The following ZMYM2 variants were observed in gnomAD, a reference collection of about 807,000 sequenced individuals.
The protein encoded by ZMYM2 is zinc finger MYM-type protein 2.
A neutral mutation model predicts 162.8 loss-of-function variants in ZMYM2; 56 were observed. That is an observed-to-expected ratio of 0.34 (90% CI 0.28 to 0.43). ZMYM2 has a LOEUF of 0.43. Ranked by LOEUF, ZMYM2 falls within the 20% of genes least tolerant of loss-of-function variation. The pLI is 1.00. For missense variants in ZMYM2, 1,275 were observed against 1,621.8 expected (o/e 0.79, Z 3.67); for synonymous variants, 510 against 541.6 (o/e 0.94, Z 0.81).
chr13:19,972,170 C>A (rs1246857837), intron 2 of ZMYM2, among the ~76,000 whole-genome samples: 1 of 152,054 alleles, frequency 6.6e-6, no homozygotes, highest in Non-Finnish European at 1.5e-5. Context: ...TGTCATAACC[C>A]TTGAATGGAT....
the ZMYM2 span, among the ~76,000 whole-genome samples, chr13:19,901,188 A>G: frequency 6.6e-6 from 1 of 152,188 alleles, no homozygotes; most frequent in South Asian, 2.1e-4. Flanking sequence ...ATACCATTAC[A>G]TTGGGGACTA....
intron 19 of ZMYM2, among the ~76,000 whole-genome samples, chr13:20,064,759 A>G (rs1487575955): frequency 6.6e-6 from 1 of 151,478 alleles, no homozygotes; most frequent in Non-Finnish European, 1.5e-5. Context: ...AATAGTAATT[A>G]TTACTATTTC....
rs9508981 is a variant in ZMYM2 at position 19,958,828 on chromosome 13, C to G, written c.-93C>G. 150,404 of 152,844 alleles carry G rather than the reference C, an allele frequency of 0.98. 74,051 individuals are homozygous for G. Among genetic ancestry groups the G allele is most frequent in the Middle Eastern group, 1 (298 of 298 alleles). 9.5% of individuals were successfully genotyped at this position (152,844 alleles called of 1,614,324 possible). ...GAGGGGAGGTTCGTTCCGCGGAGCCCCAGCCAGAACCGGGTGAGGCTTATC... is the reference window on the plus strand; with the variant it reads ...GAGGGGAGGTTCGTTCCGCGGAGCCGCAGCCAGAACCGGGTGAGGCTTATC... On this transcript the variant is annotated 5_prime_UTR_variant, in exon 1 of 25. Transcript: ENST00000610343.
In ZMYM2 at chr13:19,977,646, C is replaced by T. The variant is rs546621056; in HGVS notation, c.-10-15417C>T. Among the ~76,000 whole-genome samples, 362 of 150,818 alleles carry T rather than the reference C, an allele frequency of 2.4e-3. 5 individuals carry two copies. The highest frequency in any genetic ancestry group is 8.5e-3 in the African/African-American group (351 of 41,092). ...TAGCTGGGACTACCGTCCGCCACCA[C>T]GCCTGGCTAATTTTTTTGTATTCTT... On this transcript the variant is annotated intron_variant, in intron 2 of 24. Coordinates refer to ENST00000610343, the MANE Select transcript of ZMYM2 (RefSeq NM_197968.4).
chr13:20,048,432 TAAA>T (rs1451210770), intron 12 of ZMYM2, among the ~76,000 whole-genome samples: 2 of 151,852 alleles, frequency 1.3e-5, no homozygotes, highest in Non-Finnish European at 2.9e-5. Context: ...CATTCTTTTT[TAAA>T]AAAAATTTGT....
the ZMYM2 span, among the ~76,000 whole-genome samples, chr13:19,898,969 C>T: frequency 6.9e-6 from 1 of 144,582 alleles, no homozygotes; most frequent in South Asian, 2.2e-4. Context: ...GACAGAGTCT[C>T]ACTCTGTCGC....
chr13:20,029,842 G>A (rs1230744570), intron 9 of ZMYM2, among the ~76,000 whole-genome samples: 1 of 151,816 alleles, frequency 6.6e-6, no homozygotes, highest in African/African-American at 2.4e-5. Flanking sequence ...CTGTTGCCCA[G>A]GCTGGGGTGC....
chr13:19,896,407 G>A, the ZMYM2 span, among the ~76,000 whole-genome samples: 4 of 151,028 alleles, frequency 2.6e-5, no homozygotes, highest in African/African-American at 2.4e-5. Context: ...GCCTCACAAA[G>A]TGTTGGGATT....
chr13:19,934,577 T>C, the ZMYM2 span, among the ~76,000 whole-genome samples: 3 of 152,184 alleles, frequency 2.0e-5, no homozygotes, highest in African/African-American at 7.2e-5. Context: ...AAAATTTTTA[T>C]CATTATCTAT....
At chr13:20,007,766 G>A (rs1316401577) in intron 6 of ZMYM2, among the ~76,000 whole-genome samples, 1 of 151,294 alleles carries the variant, frequency 6.6e-6, no homozygotes, top group Admixed American at 6.6e-5. Flanking sequence ...GATTACAGGC[G>A]TGCACCACCA....
At chr13:19,928,578 C>A in the ZMYM2 span, among the ~76,000 whole-genome samples, 2 of 152,068 alleles carry the variant, frequency 1.3e-5, no homozygotes, top group African/African-American at 4.8e-5. Flanking sequence ...GGGTGGATCA[C>A]CTGGGGTCCC....
Position 20,003,253 on chromosome 13 carries a change from A to T in ZMYM2, c.1133+118A>T, listed in dbSNP as rs189268774. The stretch of plus-strand genomic sequence containing the variant: ...AACTTCCCTATCAAGTCCAGGTGGC[A>T]TATGGATAAAAGGCTTCCTGTTTGG... On this transcript the variant is annotated intron_variant, in intron 4 of 24. Transcript: ENST00000610343. 2.2e-5 allele frequency: 27 copies of T among 1,233,912 alleles called. No homozygotes were observed. The African/African-American group carries it at 4.0e-4, about 18-fold the overall frequency. 76.4% of individuals were successfully genotyped at this position (1,233,912 alleles called of 1,614,324 possible).
the ZMYM2 span, among the ~76,000 whole-genome samples, chr13:19,898,435 G>C: frequency 6.6e-6 from 1 of 151,856 alleles, no homozygotes; most frequent in Admixed American, 6.6e-5. Context: ...GGGTTTCACT[G>C]TGTTAGCCAG....
the ZMYM2 span, among the ~76,000 whole-genome samples, chr13:19,883,124 T>C: frequency 1.7e-3 from 259 of 152,184 alleles, 2 homozygotes; most frequent in Non-Finnish European, 2.1e-3. Flanking sequence ...AAAAATATGG[T>C]GAGTGAAAGA....
the ZMYM2 span, among the ~76,000 whole-genome samples, chr13:19,906,535 TATA>T: frequency 3.1e-4 from 2 of 6,506 alleles, no homozygotes; most frequent in African/African-American, 3.4e-4. Flanking sequence ...TATATATATA[TATA>T]TTTTTTTTGT....
intron 1 of ZMYM2, among the ~76,000 whole-genome samples, chr13:19,959,498 G>C (rs528063867): frequency 9.9e-5 from 15 of 152,240 alleles, no homozygotes; most frequent in East Asian, 1.9e-4. Flanking sequence ...CCGACTGCAG[G>C]GGGGGGCAAA....
At chr13:19,994,638 C>T (rs987793090) in intron 3 of ZMYM2, among the ~76,000 whole-genome samples, 1 of 151,958 alleles carries the variant, frequency 6.6e-6, no homozygotes, top group Admixed American at 6.6e-5. Context: ...TATAGGCGTC[C>T]ACCACCACGC....
Position 20,031,365 on chromosome 13 carries a change from G to C in ZMYM2, c.1898G>C (p.Ser633Thr). ...CCAAATGGCCAGTTTGTAGCGCCAA[G>C]TGATATTCAGTTGAAATGCAACTAC... ...SSPNGQFVAP[S>T]DIQLKCNYCK... Residue 633 changes from serine to threonine, a missense_variant, in exon 10 of 25, where the codon AGT (serine) becomes ACT (threonine). Coordinates refer to ENST00000610343, the MANE Select transcript of ZMYM2 (RefSeq NM_197968.4). 1 of 1,608,162 alleles carries C rather than the reference G, an allele frequency of 6.2e-7. No individual in the cohort carries two copies. Among genetic ancestry groups the C allele is most frequent in the Non-Finnish European group, 8.5e-7 (1 of 1,178,560 alleles).
chr13:20,025,947 A>G (rs1424642912), intron 7 of ZMYM2: 1 of 152,204 alleles, frequency 6.6e-6, no homozygotes, highest in East Asian at 1.9e-4. Context: ...TATTTGGCAC[A>G]TTACTGTATT....
Sources: gnomAD v4.1 joint callset for allele counts (sites outside exome capture counted in the v4.1 genomes callset) on GRCh38, gnomAD v4.1.1 for gene constraint, MANE v1.5 for transcripts, NCBI Gene and HGNC (gene_info 2026-07-23, HGNC 2026-07-21) for gene names.